The following PXDNL variants were observed in gnomAD, a reference collection of about 807,000 sequenced individuals.
PXDNL encodes peroxidasin like.
A neutral mutation model predicts 150.8 loss-of-function variants in PXDNL; 145 were observed. That is an observed-to-expected ratio of 0.96 (90% CI 0.84 to 1.10). The LOEUF is 1.10. Ranked by LOEUF, PXDNL falls within the 50% of genes least tolerant of loss-of-function variation. PXDNL has a pLI of 0.00. For missense variants in PXDNL, 2,087 were observed against 1,873.9 expected, an observed-to-expected ratio of 1.11 and a Z score of -2.10; for synonymous variants, 757 against 725.7, an observed-to-expected ratio of 1.04 and a Z score of -0.69.
intron 1 of PXDNL, among the ~76,000 whole-genome samples, chr8:51,748,653 T>C (rs1053161017): frequency 1.3e-5 from 2 of 152,210 alleles, no homozygotes; most frequent in South Asian, 4.1e-4. Context: ...CAAGTGACCA[T>C]AGAATTAAAA....
chr8:51,448,476 G>T (rs1239409908), intron 11 of PXDNL, among the ~76,000 whole-genome samples: 1 of 152,072 alleles, frequency 6.6e-6, no homozygotes, highest in African/African-American at 2.4e-5. Context: ...AGGCCGAGGC[G>T]GGCGGATCAC....
At chr8:51,511,684 G>A (rs917248839) in intron 4 of PXDNL, among the ~76,000 whole-genome samples, 17 of 152,168 alleles carry the variant, frequency 1.1e-4, no homozygotes, top group African/African-American at 2.4e-4. Flanking sequence ...TGAGGTCACC[G>A]CAGAGCCACC....
At position 51,408,847 on chromosome 8, in the gene PXDNL, C is replaced by T; in HGVS notation, c.2777G>A (p.Trp926Ter). 1 of 1,577,682 alleles carries T rather than the reference C, an allele frequency of 6.3e-7. No homozygotes were observed. The highest frequency in any genetic ancestry group is 1.4e-5 in the African/African-American group (1 of 73,766). Residue 926 changes from tryptophan (W) to a stop codon, truncating the protein, a stop_gained, in exon 17 of 23, where the codon TGG becomes TAG. Coordinates refer to ENST00000356297, the MANE Select transcript of PXDNL (RefSeq NM_144651.5). LOFTEE classifies it high-confidence loss of function. ...CAATAAGGGCTTTCCGGAGGGAGGC[C>T]AAGGAAAGCCTGTCTTCAGGAGACC... ...PRGLLKTGFP[W>*]PPSGKPLLPF...
Position 51,408,631 on chromosome 8 carries a change from T to TA in PXDNL, c.2992dup (p.Tyr998LeufsTer23). 6.2e-7 allele frequency: 1 copy of TA among 1,608,740 alleles called. No homozygotes were observed. Among genetic ancestry groups the TA allele is most frequent in the Non-Finnish European group, 8.5e-7 (1 of 1,177,488 alleles). ...GCCCACGATCTTCCTGGCTTCCTGG[T>TA]AAACCGTGTTTCCCTCCCAGTGGGG... is the stretch of plus-strand genomic sequence containing the variant. On this transcript the variant is annotated frameshift_variant, in exon 17 of 23. Coordinates refer to ENST00000356297, the MANE Select transcript of PXDNL (RefSeq NM_144651.5). LOFTEE classifies it high-confidence loss of function.
intron 4 of PXDNL, among the ~76,000 whole-genome samples, chr8:51,540,600 A>C (rs59374682): frequency 0.052 from 7,932 of 152,164 alleles, 503 homozygotes; most frequent in African/African-American, 0.15. Flanking sequence ...AAATCCTTTA[A>C]AATTTATTGA....
intron 19 of PXDNL, among the ~76,000 whole-genome samples, chr8:51,358,400 C>G (rs772315447): frequency 1.2e-4 from 18 of 152,206 alleles, no homozygotes; most frequent in Non-Finnish European, 2.6e-4. Flanking sequence ...AATTCCAGGT[C>G]ACCCCTTGGT....
At chr8:51,691,175 T>G (rs1585677122) in intron 1 of PXDNL, among the ~76,000 whole-genome samples, 1 of 152,152 alleles carries the variant, frequency 6.6e-6, no homozygotes, top group African/African-American at 2.4e-5. Context: ...TTAGTTTAAT[T>G]AGATCCCATT....
intron 1 of PXDNL, among the ~76,000 whole-genome samples, chr8:51,731,551 T>C (rs1485254593): frequency 6.6e-6 from 1 of 152,242 alleles, no homozygotes; most frequent in Non-Finnish European, 1.5e-5. Context: ...ACGGTGGCCC[T>C]CTTCTCACAG....
At chr8:51,624,515 C>T (rs1814325986) in intron 2 of PXDNL, among the ~76,000 whole-genome samples, 1 of 151,994 alleles carries the variant, frequency 6.6e-6, no homozygotes, top group Admixed American at 6.6e-5. Flanking sequence ...TTCTCATAGT[C>T]TGTTATAGCT....
chr8:51,725,647 G>C (rs1044387900), intron 1 of PXDNL, among the ~76,000 whole-genome samples: 1 of 152,142 alleles, frequency 6.6e-6, no homozygotes, highest in African/African-American at 2.4e-5. Context: ...TTAGCTGCCT[G>C]GTTGTGAAAT....
intron 1 of PXDNL, among the ~76,000 whole-genome samples, chr8:51,787,518 A>G (rs1437520529): frequency 6.6e-6 from 1 of 152,250 alleles, no homozygotes; most frequent in African/African-American, 2.4e-5. Flanking sequence ...AAGTAACTTC[A>G]GATGTGGTAG....
At chr8:51,375,306 C>G (rs1345796443) in intron 17 of PXDNL, among the ~76,000 whole-genome samples, 1 of 152,094 alleles carries the variant, frequency 6.6e-6, no homozygotes, top group African/African-American at 2.4e-5. Flanking sequence ...AAGCACAATG[C>G]AAATGTTGAT....
chr8:51,641,497 A>T (rs1429679468), intron 2 of PXDNL, among the ~76,000 whole-genome samples: 1 of 152,170 alleles, frequency 6.6e-6, no homozygotes, highest in Non-Finnish European at 1.5e-5. Context: ...ATGAACTCAA[A>T]CAAATTTACA....
chr8:51,688,861 T>C (rs1015676941), intron 1 of PXDNL, among the ~76,000 whole-genome samples: 1 of 152,200 alleles, frequency 6.6e-6, no homozygotes, highest in Non-Finnish European at 1.5e-5. Flanking sequence ...GAAAGCCAGG[T>C]GGATTAGATC....
chr8:51,331,125 C>A lies in PXDNL; in HGVS notation c.4146+8499G>T, dbSNP rs960343194. Among the ~76,000 whole-genome samples the A allele has an allele frequency of 1.5e-4, 23 of 152,212 alleles. No homozygotes were observed. The East Asian group carries it at 4.1e-3, about 27-fold the overall frequency. Reference sequence around the variant, plus strand: ...AGGAAGCAGACTGCTCCTGCAGGACCCAGGAGACACCCCAAATACTGTAAG... The same window carrying A: ...AGGAAGCAGACTGCTCCTGCAGGACACAGGAGACACCCCAAATACTGTAAG... On this transcript the variant is annotated intron_variant, in intron 21 of 22. Coordinates refer to ENST00000356297, the MANE Select transcript of PXDNL (RefSeq NM_144651.5).
At chr8:51,485,596 A>C (rs1417653672) in intron 5 of PXDNL, among the ~76,000 whole-genome samples, 1 of 152,160 alleles carries the variant, frequency 6.6e-6, no homozygotes, top group Non-Finnish European at 1.5e-5. Context: ...CCTGTTAAAT[A>C]GGGTCAGCCT....
intron 17 of PXDNL, among the ~76,000 whole-genome samples, chr8:51,383,390 G>T (rs776581632): frequency 6.6e-6 from 1 of 152,104 alleles, no homozygotes; most frequent in African/African-American, 2.4e-5. Flanking sequence ...TGACAGCAAA[G>T]ACATCTGTAA....
chr8:51,516,812 C>T (rs1360596897), intron 4 of PXDNL, among the ~76,000 whole-genome samples: 5 of 152,144 alleles, frequency 3.3e-5, no homozygotes, highest in African/African-American at 7.2e-5. Context: ...ATAAATTATG[C>T]ATTTAATAGA....
At chr8:51,621,177 C>A (rs1814244633) in intron 2 of PXDNL, among the ~76,000 whole-genome samples, 1 of 152,110 alleles carries the variant, frequency 6.6e-6, no homozygotes, top group Non-Finnish European at 1.5e-5. Flanking sequence ...ATTTTCTCTG[C>A]TCTCATGCAT....
Sources: allele counts gnomAD v4.1 joint callset (sites outside exome capture counted in the v4.1 genomes callset), GRCh38; gene constraint gnomAD v4.1.1; transcripts MANE v1.5; gene names NCBI Gene and HGNC (gene_info 2026-07-23, HGNC 2026-07-21).